The following EVL variants were observed in gnomAD, a reference collection of about 807,000 sequenced individuals.
EVL encodes ena/VASP-like protein.
In EVL, 21 loss-of-function variants were observed where a neutral mutation model predicts 59.6. That is an observed-to-expected ratio of 0.35 (90% CI 0.25 to 0.51). EVL has a LOEUF of 0.51. Ranked by LOEUF, EVL falls within the 20% of genes least tolerant of loss-of-function variation. EVL has a pLI of 0.97. For missense variants in EVL, 462 were observed against 546.6 expected (o/e 0.85, Z 1.54); for synonymous variants, 198 against 203.5 (o/e 0.97, Z 0.23).
intron 1 of EVL, among the ~76,000 whole-genome samples, chr14:100,036,688 C>G (rs780533891): frequency 1.3e-5 from 2 of 152,136 alleles, no homozygotes; most frequent in African/African-American, 2.4e-5. Context: ...ATTTTACCTC[C>G]AAAGGAGATG....
At chr14:100,022,357 A>C (rs985467734) in intron 1 of EVL, among the ~76,000 whole-genome samples, 4 of 150,820 alleles carry the variant, frequency 2.7e-5, no homozygotes, top group Middle Eastern at 3.4e-3. Context: ...AGCTCACTGC[A>C]ACCTCTGCAT....
At chr14:100,050,587 T>G (rs977551513) in intron 1 of EVL, among the ~76,000 whole-genome samples, 22 of 152,040 alleles carry the variant, frequency 1.4e-4, no homozygotes, top group Admixed American at 6.6e-5. Context: ...TCCACCCGCC[T>G]CAGCCTCCCA....
intron 1 of EVL, among the ~76,000 whole-genome samples, chr14:100,084,144 T>C (rs940258428): frequency 6.6e-6 from 1 of 151,026 alleles, no homozygotes; most frequent in Non-Finnish European, 1.5e-5. Context: ...CTCCATCTCC[T>C]GGGTTCAAGC....
At chr14:100,093,209 C>A (rs2062601335) in intron 2 of EVL, among the ~76,000 whole-genome samples, 1 of 152,158 alleles carries the variant, frequency 6.6e-6, no homozygotes, top group Non-Finnish European at 1.5e-5. Context: ...TTTTAGAAGT[C>A]AATTTTCAAA....
chr14:100,062,503 C>G (rs1370075953), upstream of EVL, among the ~76,000 whole-genome samples: 1 of 151,418 alleles, frequency 6.6e-6, no homozygotes, highest in African/African-American at 2.4e-5. Context: ...TTAGTTTACC[C>G]ACAAGAATAC....
chr14:100,123,620 G>C lies in EVL; in HGVS notation c.422+18G>C. 3.1e-6 allele frequency: 5 copies of C among 1,613,852 alleles called. No homozygotes were observed. Among genetic ancestry groups the C allele is most frequent in the Non-Finnish European group, 3.4e-6 (4 of 1,179,850 alleles). ...CAGAGAAGGTAACCCAGCACCCGCAGGGGCCAGGCTGGTCATCTCCCAATC... is the reference window on the plus strand; with the variant it reads ...CAGAGAAGGTAACCCAGCACCCGCACGGGCCAGGCTGGTCATCTCCCAATC... On this transcript the variant is annotated intron_variant, in intron 4 of 13. Coordinates refer to ENST00000392920, the MANE Select transcript of EVL (RefSeq NM_016337.3).
At chr14:100,027,882 C>T (rs1312204501) in intron 1 of EVL, among the ~76,000 whole-genome samples, 1 of 152,072 alleles carries the variant, frequency 6.6e-6, no homozygotes, top group Non-Finnish European at 1.5e-5. Flanking sequence ...CACATGTTGG[C>T]CAGGCTGGTC....
At chr14:100,021,043 C>G (rs2140202096) in intron 1 of EVL, among the ~76,000 whole-genome samples, 1 of 152,308 alleles carries the variant, frequency 6.6e-6, no homozygotes, top group Admixed American at 6.5e-5. Context: ...ATGTCTGTTT[C>G]AGAAGTAGCT....
intron 1 of EVL, among the ~76,000 whole-genome samples, chr14:100,049,088 A>C (rs1011651609): frequency 1.3e-5 from 2 of 152,228 alleles, no homozygotes; most frequent in African/African-American, 4.8e-5. Flanking sequence ...CCAAGCAAAA[A>C]GGTCTGAGAA....
chr14:100,118,409 G>A (rs1250716458), intron 3 of EVL, among the ~76,000 whole-genome samples: 1 of 152,202 alleles, frequency 6.6e-6, no homozygotes, highest in African/African-American at 2.4e-5. Flanking sequence ...TGCTATAAAA[G>A]CCTTTTGAAA....
chr14:100,115,387 G>A (rs929503516), intron 3 of EVL, among the ~76,000 whole-genome samples: 12 of 152,308 alleles, frequency 7.9e-5, no homozygotes, highest in Middle Eastern at 3.4e-3. Flanking sequence ...GCCGGTACAT[G>A]CGCAGCACCA....
intron 13 of EVL, 61 bp downstream of exon 13, chr14:100,141,854 G>A (rs1566735767): frequency 1.3e-6 from 2 of 1,548,384 alleles, no homozygotes; most frequent in Non-Finnish European, 1.8e-6. Context: ...AAGGGTCCCT[G>A]TCACCCAGGC....
intron 1 of EVL, among the ~76,000 whole-genome samples, chr14:99,979,277 T>G (rs553198881): frequency 6.6e-6 from 1 of 152,202 alleles, no homozygotes; most frequent in South Asian, 2.1e-4. Context: ...ATACACAATA[T>G]GCAATCTATT....
chr14:100,029,282 A>G (rs1169192600), intron 1 of EVL, among the ~76,000 whole-genome samples: 1 of 152,198 alleles, frequency 6.6e-6, no homozygotes, highest in South Asian at 2.1e-4. Context: ...CCTGCTGACT[A>G]CTTAGGGTAG....
intron 1 of EVL, among the ~76,000 whole-genome samples, chr14:100,056,741 T>C (rs1414141234): frequency 6.6e-6 from 1 of 152,116 alleles, no homozygotes; most frequent in Non-Finnish European, 1.5e-5. Flanking sequence ...GAGGCTAGAC[T>C]CAGCAAACTC....
chr14:100,023,535 C>G (rs563171389), intron 1 of EVL, among the ~76,000 whole-genome samples: 1 of 151,836 alleles, frequency 6.6e-6, no homozygotes, highest in Non-Finnish European at 1.5e-5. Flanking sequence ...CCATGTTGGT[C>G]AGGCTGGTCT....
At chr14:100,030,458 G>A (rs1238021955) in intron 1 of EVL, among the ~76,000 whole-genome samples, 1 of 152,130 alleles carries the variant, frequency 6.6e-6, no homozygotes, top group African/African-American at 2.4e-5. Context: ...TTAATTTACT[G>A]TAAGCAGCAA....
chr14:100,140,081 C>CCAT (rs1889066942), intron 11 of EVL: 1 of 151,804 alleles, frequency 6.6e-6, no homozygotes, highest in East Asian at 1.9e-4. Flanking sequence ...CAGTGAGACC[C>CCAT]CATCTCTACA....
chr14:100,104,837 G>C (rs920102403), intron 3 of EVL, among the ~76,000 whole-genome samples: 1 of 150,668 alleles, frequency 6.6e-6, no homozygotes, highest in African/African-American at 2.4e-5. Flanking sequence ...CTGAGCTGCA[G>C]TCACAAGTGA....
Sources: gnomAD v4.1 joint callset for allele counts (sites outside exome capture counted in the v4.1 genomes callset) on GRCh38, gnomAD v4.1.1 for gene constraint, MANE v1.5 for transcripts, NCBI Gene and HGNC (gene_info 2026-07-23, HGNC 2026-07-21) for gene names.